Variants in ERICH1 observed in about 807,000 individuals in gnomAD.
The protein encoded by ERICH1 is glutamate rich 1, also known as glutamate-rich protein 1.
In ERICH1, 56 loss-of-function variants were observed where a neutral mutation model predicts 39.6. That is an observed-to-expected ratio of 1.41 (90% CI 1.14 to 1.77). The LOEUF is 1.77. Ranked by LOEUF, ERICH1 falls within the 40% of genes most tolerant of loss-of-function variation. The probability of loss-of-function intolerance (pLI) is 0.00; values close to 1 mark genes in which losing one functional copy is unlikely to be tolerated. For synonymous variants in ERICH1, 313 were observed against 223.6 expected, an observed-to-expected ratio of 1.40 and a Z score of -3.57; for missense variants, 826 against 575.4, an observed-to-expected ratio of 1.44 and a Z score of -4.45.
intron 2 of ERICH1, among the ~76,000 whole-genome samples, chr8:695,169 G>T (rs1344469818): frequency 2.0e-5 from 3 of 151,978 alleles, no homozygotes; most frequent in African/African-American, 7.3e-5. Context: ...CCTGGCAGCC[G>T]ACAGCTATGG....
intron 1 of ERICH1, 131 bp downstream of exon 1, chr8:731,009 G>T: frequency 9.1e-7 from 1 of 1,098,630 alleles, no homozygotes; most frequent in South Asian, 2.2e-5. Flanking sequence ...CTGGGGTGGA[G>T]GTGGGGAGTC....
At chr8:688,947 C>T (rs561733156) in intron 3 of ERICH1, among the ~76,000 whole-genome samples, 1 of 152,212 alleles carries the variant, frequency 6.6e-6, no homozygotes, top group East Asian at 1.9e-4. Context: ...GAATAAGGAA[C>T]AAGATTTTAA....
chr8:678,625 C>T (rs771368924), intron 3 of ERICH1, among the ~76,000 whole-genome samples: 67 of 152,176 alleles, frequency 4.4e-4, no homozygotes, highest in Non-Finnish European at 8.8e-5. Flanking sequence ...CTGGCTAACA[C>T]GGTGAAACCC....
intron 3 of ERICH1, among the ~76,000 whole-genome samples, chr8:637,802 G>C (rs1467589903): frequency 6.6e-6 from 1 of 152,176 alleles, no homozygotes; most frequent in Non-Finnish European, 1.5e-5. Context: ...GAGTCAAACA[G>C]TGCTTGCCTG....
At chr8:628,978 A>C (rs1333809098) in intron 3 of ERICH1, among the ~76,000 whole-genome samples, 1 of 152,100 alleles carries the variant, frequency 6.6e-6, no homozygotes, top group African/African-American at 2.4e-5. Context: ...CCCGGCACCC[A>C]CCAAGCTGGC....
chr8:698,264 G>A (rs932656354), intron 2 of ERICH1, among the ~76,000 whole-genome samples: 4 of 150,698 alleles, frequency 2.7e-5, no homozygotes, highest in African/African-American at 7.3e-5. Context: ...TGTCACCCAG[G>A]CTGGAGTGCA....
intron 3 of ERICH1, among the ~76,000 whole-genome samples, chr8:658,954 G>A (rs1214504703): frequency 6.6e-6 from 1 of 152,150 alleles, no homozygotes; most frequent in Non-Finnish European, 1.5e-5. Context: ...CAGGAGCTGG[G>A]ACTCCATCAT....
chr8:684,948 A>G (rs1190937775), intron 3 of ERICH1, among the ~76,000 whole-genome samples: 3 of 152,250 alleles, frequency 2.0e-5, no homozygotes, highest in Non-Finnish European at 4.4e-5. Context: ...GGGCGAAACT[A>G]GAATTGCTGA....
At chr8:639,449 A>G (rs1798734232) in intron 3 of ERICH1, among the ~76,000 whole-genome samples, 1 of 152,246 alleles carries the variant, frequency 6.6e-6, no homozygotes, top group Admixed American at 6.5e-5. Context: ...TGAACTAAGA[A>G]TTCTGAGCCT....
intron 3 of ERICH1, among the ~76,000 whole-genome samples, chr8:674,621 A>G (rs1054360736): frequency 1.3e-5 from 2 of 152,330 alleles, no homozygotes; most frequent in Non-Finnish European, 2.9e-5. Context: ...GCATTTTTAT[A>G]GTAAAATTTC....
In ERICH1 at chr8:731,141, G is replaced by T; in HGVS notation, c.21C>A (p.His7Gln). 6.6e-7 allele frequency: 1 copy of T among 1,521,052 alleles called. No homozygotes were observed. The highest frequency in any genetic ancestry group is 8.8e-7 in the Non-Finnish European group (1 of 1,136,998). 94.2% of individuals were successfully genotyped at this position (1,521,052 alleles called of 1,614,324 possible). A position where few individuals can be genotyped will look rare whatever the true frequency, so the allele number is the denominator to read the frequency against. Residue 7 changes from histidine to glutamine, a missense_variant and splice_region_variant, in exon 1 of 6, where the codon CAC (histidine) becomes CAA (glutamine). Physicochemically the swap from His to Gln is conservative, Grantham distance 24. Transcript: ENST00000262109. MAAHRK[H>Q]VFVEKVLQRL... ...GGCCTCCGCACCGCACCCACCTACC[G>T]TGCTTCCTGTGCGCCGCCATGCGGG... is the stretch of plus-strand genomic sequence containing the variant.
intron 3 of ERICH1, among the ~76,000 whole-genome samples, chr8:654,004 G>C (rs928814810): frequency 6.6e-6 from 1 of 152,244 alleles, no homozygotes; most frequent in Non-Finnish European, 1.5e-5. Flanking sequence ...GAGCCACAGA[G>C]ACAGAAAGTA....
Position 645,838 on chromosome 8 carries a change from G to C in ERICH1, c.976+22760C>G, listed in dbSNP as rs1799458423. 2.9e-5 allele frequency among the ~76,000 whole-genome samples: 2 copies of C among 69,188 alleles called. 1 individual carries two copies. The highest frequency in any genetic ancestry group is 9.1e-5 in the Non-Finnish European group (2 of 21,982). The allele number at this position is 69,188 out of a possible 152,430, so 45.4% of individuals were successfully genotyped here. On this transcript the variant is annotated intron_variant, in intron 3 of 3. Transcript: ENST00000522706. The stretch of plus-strand genomic sequence containing the variant: ...CCAGCTCCTGGTACCTTTCACCACA[G>C]CTCTAGCCCTGCTGTCCACTTCACA...
chr8:730,792 G>C (rs1819806633), intron 1 of ERICH1, among the ~76,000 whole-genome samples: 1 of 152,238 alleles, frequency 6.6e-6, no homozygotes, highest in Admixed American at 6.5e-5. Flanking sequence ...CCTGGGCTAG[G>C]ACCCCTCTGA....
chr8:723,665 T>C (rs1370552753), intron 1 of ERICH1, among the ~76,000 whole-genome samples: 2 of 152,264 alleles, frequency 1.3e-5, no homozygotes, highest in African/African-American at 4.8e-5. Flanking sequence ...CTCATTGTAA[T>C]AGGCATTTTA....
At chr8:688,484 C>A (rs552149818) in intron 3 of ERICH1, among the ~76,000 whole-genome samples, 2 of 151,808 alleles carry the variant, frequency 1.3e-5, no homozygotes, top group African/African-American at 2.4e-5. Context: ...CAGCTAGGGT[C>A]AGCTCCTACA....
chr8:650,419 C>T (rs1026617588), intron 3 of ERICH1, among the ~76,000 whole-genome samples: 1 of 152,248 alleles, frequency 6.6e-6, no homozygotes, highest in Non-Finnish European at 1.5e-5. Flanking sequence ...ACTGAAAGGG[C>T]AGCCCTTGTC....
At chr8:642,658 T>C (rs1370735125) in intron 3 of ERICH1, among the ~76,000 whole-genome samples, 1 of 152,068 alleles carries the variant, frequency 6.6e-6, no homozygotes, top group Non-Finnish European at 1.5e-5. Context: ...AATTTCACAG[T>C]AATCAACCCA....
In ERICH1 at chr8:656,094, G is replaced by T. The variant is rs371382671; in HGVS notation, c.976+12504C>A. On this transcript the variant is annotated intron_variant, in intron 3 of 3. Transcript: ENST00000522706. The stretch of plus-strand genomic sequence containing the variant: ...TAGACCTGCCCGCCAGGTCTGAACT[G>T]CCTGTGACCACAGCCATTCCCAGGT... Among the ~76,000 whole-genome samples, 362 of 152,252 alleles carry T rather than the reference G, an allele frequency of 2.4e-3. 1 individual carries two copies. Among genetic ancestry groups the T allele is most frequent in the African/African-American group, 8.3e-3 (343 of 41,552 alleles).
Sources: gnomAD v4.1 joint callset for allele counts (sites outside exome capture counted in the v4.1 genomes callset) on GRCh38, gnomAD v4.1.1 for gene constraint, MANE v1.5 for transcripts, NCBI Gene and HGNC (gene_info 2026-07-23, HGNC 2026-07-21) for gene names.